Variants in MACROD2 observed in about 807,000 individuals in gnomAD.
The protein encoded by MACROD2 is mono-ADP ribosylhydrolase 2.
A neutral mutation model predicts 70.4 loss-of-function variants in MACROD2; 36 were observed. The ratio of observed to expected loss-of-function variants is 0.51; its 90% confidence interval spans 0.39 to 0.68. The LOEUF (loss-of-function observed/expected upper bound fraction) is 0.68. MACROD2 is among the 30% of genes least tolerant of loss of function. MACROD2 has a pLI of 0.00. For synonymous variants in MACROD2, 172 were observed against 178.8 expected (o/e 0.96, Z 0.30); for missense variants, 496 against 538.4 (o/e 0.92, Z 0.78).
chr20:15,228,670 A>G (rs753051953), intron 5 of MACROD2, among the ~76,000 whole-genome samples: 51 of 151,626 alleles, frequency 3.4e-4, no homozygotes, highest in Non-Finnish European at 6.3e-4. Context: ...TTGTATTTTT[A>G]GTAGAGATGG....
At chr20:15,484,467 A>G (rs2103959) in intron 7 of MACROD2, among the ~76,000 whole-genome samples, 150,884 of 152,220 alleles carry the variant, frequency 0.99, 74,790 homozygotes, top group Middle Eastern at 1. Flanking sequence ...AACTGGAATT[A>G]GGCATTTCCT....
intron 5 of MACROD2, among the ~76,000 whole-genome samples, chr20:15,095,237 C>T (rs1010316120): frequency 8.0e-5 from 12 of 150,664 alleles, no homozygotes; most frequent in African/African-American, 1.5e-4. Context: ...CCACCACACC[C>T]GGCAATTTTT....
intron 4 of MACROD2, among the ~76,000 whole-genome samples, chr20:14,553,262 A>G (rs949413755): frequency 6.6e-6 from 1 of 151,916 alleles, no homozygotes; most frequent in Non-Finnish European, 1.5e-5. Flanking sequence ...CAGGGTCATC[A>G]ATATCACTGT....
intron 2 of MACROD2, among the ~76,000 whole-genome samples, chr20:14,020,320 G>A (rs548720156): frequency 1.8e-3 from 268 of 152,016 alleles, no homozygotes; most frequent in African/African-American, 6.1e-3. Flanking sequence ...TAAAAATACA[G>A]AAATTAGCCA....
At chr20:15,418,521 G>A (rs1009931118) in intron 6 of MACROD2, among the ~76,000 whole-genome samples, 3 of 152,148 alleles carry the variant, frequency 2.0e-5, no homozygotes, top group Non-Finnish European at 2.9e-5. Context: ...CTCTGAGACC[G>A]TCTGTGTTGC....
chr20:15,086,787 G>GATGAGGCTTA (rs1485232238), intron 5 of MACROD2, among the ~76,000 whole-genome samples: 1 of 152,098 alleles, frequency 6.6e-6, no homozygotes, highest in Admixed American at 6.6e-5. Flanking sequence ...TAACATTTCT[G>GATGAGGCTTA]ATGAGGCTTA....
chr20:14,072,265 G>A (rs976203835), intron 2 of MACROD2, among the ~76,000 whole-genome samples: 8 of 151,952 alleles, frequency 5.3e-5, no homozygotes, highest in African/African-American at 1.9e-4. Flanking sequence ...TGTGTGTATG[G>A]GGTGTGGTGG....
rs1297439251 is a variant in MACROD2 at position 15,283,581 on chromosome 20, G to A, written c.540+53520G>A. 3.3e-5 allele frequency among the ~76,000 whole-genome samples: 5 copies of A among 151,868 alleles called. No individual in the cohort carries two copies. In the East Asian group the frequency reaches 9.7e-4, roughly 29 times the overall value. Reference sequence around the variant, plus strand: ...CAGCTACTCAAGAGGCTGAGGCAGGGGAATTGCTTGAACCTGGGAGGCAGA... The same window carrying A: ...CAGCTACTCAAGAGGCTGAGGCAGGAGAATTGCTTGAACCTGGGAGGCAGA... On this transcript the variant is annotated intron_variant, in intron 6 of 17. Coordinates refer to ENST00000684519, the MANE Select transcript of MACROD2 (RefSeq NM_001351661.2).
intron 8 of MACROD2, among the ~76,000 whole-genome samples, chr20:15,829,769 A>G (rs781678094): frequency 6.6e-5 from 10 of 152,200 alleles, no homozygotes; most frequent in Non-Finnish European, 1.0e-4. Flanking sequence ...AGCAGTGGAC[A>G]TAACAGGTGA....
intron 3 of MACROD2, among the ~76,000 whole-genome samples, chr20:14,242,574 T>G (rs1241970359): frequency 6.6e-6 from 1 of 152,202 alleles, no homozygotes; most frequent in East Asian, 1.9e-4. Context: ...ATTTTTAAAT[T>G]GTTCCATTGG....
intron 5 of MACROD2, among the ~76,000 whole-genome samples, chr20:14,725,082 A>G (rs1273041893): frequency 6.6e-6 from 1 of 152,032 alleles, no homozygotes; most frequent in Non-Finnish European, 1.5e-5. Context: ...GGATATGGGG[A>G]GTGAAAGGAT....
chr20:14,766,969 C>T (rs1052907505), intron 5 of MACROD2, among the ~76,000 whole-genome samples: 3 of 152,036 alleles, frequency 2.0e-5, no homozygotes, highest in Non-Finnish European at 4.4e-5. Context: ...AACATCATAC[C>T]AATGACTGGA....
chr20:15,659,731 TCA>T (rs1432105288), intron 8 of MACROD2, among the ~76,000 whole-genome samples: 1 of 152,140 alleles, frequency 6.6e-6, no homozygotes, highest in Non-Finnish European at 1.5e-5. Flanking sequence ...TTTGTATGGC[TCA>T]CAGTTTGGCA....
At chr20:14,540,957 C>G (rs2085424708) in intron 4 of MACROD2, among the ~76,000 whole-genome samples, 1 of 152,100 alleles carries the variant, frequency 6.6e-6, no homozygotes. Flanking sequence ...ATAATTAGCC[C>G]CATCTTACTT....
At chr20:15,725,102 C>CA (rs914629708) in intron 8 of MACROD2, among the ~76,000 whole-genome samples, 58 of 151,436 alleles carry the variant, frequency 3.8e-4, no homozygotes, top group Non-Finnish European at 6.1e-4. Flanking sequence ...CAAACAACAA[C>CA]AAAAAAAAAT....
At chr20:15,083,841 T>C (rs1292379984) in intron 5 of MACROD2, among the ~76,000 whole-genome samples, 1 of 152,150 alleles carries the variant, frequency 6.6e-6, no homozygotes, top group African/African-American at 2.4e-5. Context: ...TATTCTTCCT[T>C]TGACTATTCA....
chr20:15,289,083 C>T (rs893804680), intron 6 of MACROD2, among the ~76,000 whole-genome samples: 8 of 152,140 alleles, frequency 5.3e-5, no homozygotes, highest in African/African-American at 2.4e-5. Flanking sequence ...AGGCCTGAGC[C>T]TGTGCCTGCC....
At chr20:14,256,095 A>G (rs1468041453) in intron 3 of MACROD2, among the ~76,000 whole-genome samples, 1 of 151,742 alleles carries the variant, frequency 6.6e-6, no homozygotes, top group Non-Finnish European at 1.5e-5. Flanking sequence ...GGTCTCTTAG[A>G]TTTATTCTCT....
At chr20:14,416,045 G>A (rs569953616) in intron 3 of MACROD2, among the ~76,000 whole-genome samples, 2 of 150,490 alleles carry the variant, frequency 1.3e-5, no homozygotes, top group African/African-American at 4.9e-5. Flanking sequence ...TGCAACCTCC[G>A]ACTCCCTGCT....
Sources: gnomAD v4.1 joint callset for allele counts (sites outside exome capture counted in the v4.1 genomes callset) on GRCh38, gnomAD v4.1.1 for gene constraint, MANE v1.5 for transcripts, NCBI Gene and HGNC (gene_info 2026-07-23, HGNC 2026-07-21) for gene names.